The following PCDHA5 variants were observed in gnomAD, a reference collection of about 807,000 sequenced individuals.
PCDHA5 encodes the protein protocadherin alpha-5.
In PCDHA5, 43 loss-of-function variants were observed where a neutral mutation model predicts 61.6. That is an observed-to-expected ratio of 0.70 (90% confidence interval 0.55 to 0.90). The LOEUF (loss-of-function observed/expected upper bound fraction) is 0.90, where lower values mean the gene tolerates loss of function less well. Ranked by LOEUF, PCDHA5 falls within the 40% of genes least tolerant of loss-of-function variation. PCDHA5 has a pLI of 0.00. For missense variants in PCDHA5, 1,298 were observed against 1,222.7 expected, an observed-to-expected ratio of 1.06 and a Z score of -0.92; for synonymous variants, 627 against 543.9, an observed-to-expected ratio of 1.15 and a Z score of -2.13.
At chr5:140,924,751 C>T (rs1554202122) in intron 1 of PCDHA5, among the ~76,000 whole-genome samples, 39 of 151,566 alleles carry the variant, frequency 2.6e-4, no homozygotes, top group Non-Finnish European at 5.2e-4. Context: ...AAAAATTAAC[C>T]GAGCATGGTG....
chr5:140,876,868 G>T, intron 1 of PCDHA5: 1 of 1,614,160 alleles, frequency 6.2e-7, no homozygotes, highest in Non-Finnish European at 8.5e-7. Flanking sequence ...GTTCGTGAAG[G>T]AGAACAACCC....
Position 140,956,653 on chromosome 5 carries a change from G to A in PCDHA5, c.2353-22296G>A, listed in dbSNP as rs146062919. ...TGCCAGGTTTTGGTATCAGGATGAT[G>A]CTGGCCTTAAAGGAGTTAGGGAGGA... On this transcript the variant is annotated intron_variant, in intron 1 of 3. Transcript: ENST00000529859. 5.2e-4 allele frequency among the ~76,000 whole-genome samples: 79 copies of A among 152,240 alleles called. 1 individual carries two copies. The highest frequency in any genetic ancestry group is 1.9e-3 in the African/African-American group (79 of 41,558).
At chr5:140,885,685 A>G (rs2060694021) in intron 1 of PCDHA5, among the ~76,000 whole-genome samples, 1 of 152,198 alleles carries the variant, frequency 6.6e-6, no homozygotes, top group African/African-American at 2.4e-5. Flanking sequence ...TATCTCAAGA[A>G]GCAATAGTGG....
At chr5:140,836,230 C>G (rs1774305055) in intron 1 of PCDHA5, 1 of 1,613,786 alleles carries the variant, frequency 6.2e-7, no homozygotes, top group Admixed American at 1.7e-5. Context: ...CCGGTGGCGG[C>G]CGGTGCGAGC....
chr5:140,943,574 G>C (rs1424164723), intron 1 of PCDHA5, among the ~76,000 whole-genome samples: 1 of 152,154 alleles, frequency 6.6e-6, no homozygotes, highest in African/African-American at 2.4e-5. Context: ...TTAATTTGTT[G>C]ATCTGAGTGG....
intron 3 of PCDHA5, among the ~76,000 whole-genome samples, chr5:140,983,526 A>C (rs1421450953): frequency 6.6e-6 from 1 of 152,230 alleles, no homozygotes; most frequent in African/African-American, 2.4e-5. Context: ...TGCCAAGTAC[A>C]TTGTATGTGT....
rs782346022 is a variant in PCDHA5 at position 140,877,702 on chromosome 5, G to A, written c.2352+53575G>A. On this transcript the variant is annotated intron_variant, in intron 1 of 3. Coordinates refer to ENST00000529859, the MANE Select transcript of PCDHA5 (RefSeq NM_018908.3). Reference sequence around the variant, plus strand: ...CAAGCCCACGCTGGTGTGCTCCAGCGCCGTGGGGAGTTGGTCTTACTCGCA... The same window carrying A: ...CAAGCCCACGCTGGTGTGCTCCAGCACCGTGGGGAGTTGGTCTTACTCGCA... 52 of 1,613,876 alleles carry A rather than the reference G, an allele frequency of 3.2e-5. No homozygotes were observed. In the Admixed American group the frequency reaches 8.7e-4, roughly 27 times the overall value.
intron 1 of PCDHA5, among the ~76,000 whole-genome samples, chr5:140,941,214 C>CTTTTT (rs1554214039): frequency 1.2e-4 from 15 of 122,492 alleles, no homozygotes; most frequent in African/African-American, 4.3e-4. Context: ...TTTCTTTCTT[C>CTTTTT]CTTTCTTTCT....
In PCDHA5 at chr5:140,821,804, G is replaced by C; in HGVS notation, c.29G>C (p.Gly10Ala). The C allele has an allele frequency of 6.2e-7, 1 of 1,613,464 alleles. No individual in the cohort carries two copies. Among genetic ancestry groups the C allele is most frequent in the South Asian group, 1.1e-5 (1 of 90,996 alleles). The change falls in exon 1 of 4, where the codon GGA (glycine) becomes GCA (alanine). Residue 10 changes from glycine to alanine, a missense_variant. Transcript: ENST00000529859. The stretch of plus-strand genomic sequence containing the variant: ...GTATATTCCCGGAGAGGAAGTCTGG[G>C]ATCCCGGCTCCTGCTGCTCTGGCTT... MVYSRRGSLGSRLLLLWLLL... is the reference protein window; with the variant it reads MVYSRRGSLASRLLLLWLLL...
At chr5:140,915,626 GTCTCTCTCTCTCTC>G in intron 1 of PCDHA5, among the ~76,000 whole-genome samples, 1 of 146,536 alleles carries the variant, frequency 6.8e-6, no homozygotes, top group Non-Finnish European at 1.5e-5. Flanking sequence ...GTCTCTTTCT[GTCTCTCTCTCTCTC>G]TCTCTCTCTC....
chr5:140,991,033 TACTTA>T (rs567583919), intron 3 of PCDHA5, among the ~76,000 whole-genome samples: 53 of 152,330 alleles, frequency 3.5e-4, no homozygotes, highest in African/African-American at 1.3e-3. Context: ...ATATGTTGCA[TACTTA>T]ACTTTGAGAG....
Position 140,897,056 on chromosome 5 carries a change from T to C in PCDHA5, c.2352+72929T>C, listed in dbSNP as rs147544543. Among the ~76,000 whole-genome samples the C allele has an allele frequency of 2.6e-3, 395 of 152,288 alleles. 2 individuals carry two copies. The highest frequency in any genetic ancestry group is 9.2e-3 in the African/African-American group (384 of 41,556). ...ATAGTCACCCTATTCTGCTGTCAAA[T>C]ACTATGTCTTATTCATTTTTTCTAT... On this transcript the variant is annotated intron_variant, in intron 1 of 3. Coordinates refer to ENST00000529859, the MANE Select transcript of PCDHA5 (RefSeq NM_018908.3).
chr5:140,968,029 G>A, intron 1 of PCDHA5: 1 of 1,614,170 alleles, frequency 6.2e-7, no homozygotes, highest in Non-Finnish European at 8.5e-7. Context: ...CCTATACACT[G>A]GTGGTGAGCG....
intron 1 of PCDHA5, among the ~76,000 whole-genome samples, chr5:140,837,390 T>C (rs2150275262): frequency 6.6e-6 from 1 of 152,134 alleles, no homozygotes; most frequent in East Asian, 1.9e-4. Context: ...TGTTCCTTGT[T>C]TGTATAAGAA....
At chr5:140,890,776 A>G (rs1554184541) in intron 1 of PCDHA5, among the ~76,000 whole-genome samples, 1 of 152,316 alleles carries the variant, frequency 6.6e-6, no homozygotes, top group Non-Finnish European at 1.5e-5. Flanking sequence ...TTAAAACCCC[A>G]TAAGATATTA....
intron 1 of PCDHA5, chr5:140,863,724 G>C (rs1450071694): frequency 3.7e-6 from 1 of 271,826 alleles, no homozygotes; most frequent in African/African-American, 2.2e-5. Context: ...GCCGGGTGCG[G>C]TAGCTCATGC....
chr5:140,967,279 T>C, intron 1 of PCDHA5: 1 of 1,613,002 alleles, frequency 6.2e-7, no homozygotes, highest in South Asian at 1.1e-5. Context: ...ACATAGAGAG[T>C]GCGCAGGACC....
chr5:140,828,487 G>T (rs1554131330), intron 1 of PCDHA5: 4 of 1,614,106 alleles, frequency 2.5e-6, no homozygotes, highest in Non-Finnish European at 3.4e-6. Context: ...ACCCGCCCTT[G>T]TTCCCGGTAG....
intron 1 of PCDHA5, among the ~76,000 whole-genome samples, chr5:140,935,456 C>G (rs981681011): frequency 6.6e-6 from 1 of 152,150 alleles, no homozygotes; most frequent in Non-Finnish European, 1.5e-5. Flanking sequence ...GATACTGTAG[C>G]AGTTTAAGTT....
Sources: gnomAD v4.1 joint callset for allele counts (sites outside exome capture counted in the v4.1 genomes callset) on GRCh38, gnomAD v4.1.1 for gene constraint, MANE v1.5 for transcripts, NCBI Gene and HGNC (gene_info 2026-07-23, HGNC 2026-07-21) for gene names.